PDE3B: variants seen among roughly 807,000 people sequenced by gnomAD.
PDE3B encodes cGMP-inhibited 3',5'-cyclic phosphodiesterase 3B.
PDE3B carries 66 observed loss-of-function variants against 116.8 expected under a neutral mutation model. The ratio of observed to expected loss-of-function variants is 0.56; its 90% CI spans 0.46 to 0.69. The LOEUF (loss-of-function observed/expected upper bound fraction) is 0.69, where lower values mean the gene tolerates loss of function less well. PDE3B is among the 30% of genes least tolerant of loss of function. The probability of loss-of-function intolerance (pLI) is 0.00; values close to 1 mark genes in which losing one functional copy is unlikely to be tolerated. For missense variants in PDE3B, 1,384 were observed against 1,368.1 expected, an observed-to-expected ratio of 1.01 and a Z score of -0.18; for synonymous variants, 595 against 533.6, an observed-to-expected ratio of 1.12 and a Z score of -1.59.
At chr11:14,671,282 G>T (rs1191285690) in intron 1 of PDE3B, among the ~76,000 whole-genome samples, 2 of 152,126 alleles carry the variant, frequency 1.3e-5, no homozygotes, top group Non-Finnish European at 2.9e-5. Context: ...TGGTAGGAAG[G>T]GAAAGCCTCT....
At chr11:14,759,842 C>T (rs1171840451) in intron 1 of PDE3B, among the ~76,000 whole-genome samples, 3 of 151,972 alleles carry the variant, frequency 2.0e-5, no homozygotes, top group Non-Finnish European at 4.4e-5. Context: ...CCACCGTGCC[C>T]GGCTACAGAT....
chr11:14,825,083 G>A (rs1350696381), intron 7 of PDE3B, among the ~76,000 whole-genome samples: 8 of 152,098 alleles, frequency 5.3e-5, no homozygotes, highest in African/African-American at 1.9e-4. Context: ...AAATGCTGAG[G>A]AAGTTTGTTA....
At chr11:14,874,341 A>G (rs749917131), downstream of PDE3B, among the ~76,000 whole-genome samples, 1 of 152,204 alleles carries the variant, frequency 6.6e-6, no homozygotes, top group Non-Finnish European at 1.5e-5. Flanking sequence ...ATCCAATGCT[A>G]TATTATATGA....
chr11:14,813,848 A>G (rs1227408713), intron 5 of PDE3B, among the ~76,000 whole-genome samples: 1 of 152,224 alleles, frequency 6.6e-6, no homozygotes, highest in African/African-American at 2.4e-5. Context: ...TTGTGAATAT[A>G]GATACAAAAA....
chr11:14,897,946 T>G, the PDE3B span, among the ~76,000 whole-genome samples: 2 of 152,198 alleles, frequency 1.3e-5, no homozygotes, highest in African/African-American at 4.8e-5. Context: ...ATCTATCATT[T>G]AACGAGAAAG....
chr11:14,821,508 T>C (rs1178694279), intron 7 of PDE3B, among the ~76,000 whole-genome samples: 1 of 152,206 alleles, frequency 6.6e-6, no homozygotes, highest in Admixed American at 6.5e-5. Flanking sequence ...GGAGTTCATA[T>C]CATTAAAAAG....
chr11:14,881,649 C>T, the PDE3B span, among the ~76,000 whole-genome samples: 5 of 152,132 alleles, frequency 3.3e-5, no homozygotes, highest in African/African-American at 4.8e-5. Flanking sequence ...AGTGAGTTCT[C>T]GCTCAGTTAA....
intron 1 of PDE3B, 117 bp from the exon 2 acceptor site, chr11:14,771,820 A>G (rs1379274684): frequency 4.8e-6 from 2 of 413,332 alleles, no homozygotes; most frequent in Non-Finnish European, 8.9e-6. Flanking sequence ...CCATTCCAAT[A>G]TCTCTTCCAG....
chr11:14,854,682 A>G (rs1365562235), intron 12 of PDE3B, among the ~76,000 whole-genome samples: 1 of 152,070 alleles, frequency 6.6e-6, no homozygotes. Context: ...ACGCCCAGCT[A>G]ATTTTTGTAT....
chr11:14,649,753 A>G (rs779016441), intron 1 of PDE3B, among the ~76,000 whole-genome samples: 4 of 152,230 alleles, frequency 2.6e-5, no homozygotes, highest in Non-Finnish European at 5.9e-5. Flanking sequence ...TCATGTACCT[A>G]CATAACATTT....
chr11:14,880,221 A>G, the PDE3B span: 2 of 1,612,948 alleles, frequency 1.2e-6, no homozygotes, highest in South Asian at 1.1e-5. Context: ...TGATGAGTTC[A>G]CCCACTGAGA....
intron 5 of PDE3B, among the ~76,000 whole-genome samples, chr11:14,813,165 C>T (rs1251416537): frequency 6.6e-6 from 1 of 152,136 alleles, no homozygotes; most frequent in African/African-American, 2.4e-5. Flanking sequence ...TCCAAAGGGA[C>T]TAACACACTA....
chr11:14,664,721 A>T (rs1408131702), intron 1 of PDE3B, among the ~76,000 whole-genome samples: 1 of 152,226 alleles, frequency 6.6e-6, no homozygotes, highest in Non-Finnish European at 1.5e-5. Flanking sequence ...AACCAGGAAG[A>T]AGTTGACTCT....
the PDE3B span, among the ~76,000 whole-genome samples, chr11:14,884,244 C>T: frequency 5.9e-5 from 9 of 151,836 alleles, 1 homozygote; most frequent in East Asian, 8.0e-4. Flanking sequence ...ATGTTTATTG[C>T]GGCACTATTC....
intron 1 of PDE3B, among the ~76,000 whole-genome samples, chr11:14,673,092 A>G (rs1016007908): frequency 3.3e-5 from 5 of 152,038 alleles, no homozygotes. Context: ...TTCTTCAACA[A>G]TTTGAGCAAA....
intron 4 of PDE3B, among the ~76,000 whole-genome samples, chr11:14,800,462 C>A: frequency 6.6e-6 from 1 of 152,064 alleles, no homozygotes; most frequent in Admixed American, 6.5e-5. Context: ...GAGACTCCAT[C>A]TCAAAAAAGA....
Position 14,867,765 on chromosome 11 carries a change from A to G in PDE3B, c.3139+7A>G. 2 of 1,581,428 alleles carry G rather than the reference A, an allele frequency of 1.3e-6. No homozygotes were observed. Among genetic ancestry groups the G allele is most frequent in the Non-Finnish European group, 8.7e-7 (1 of 1,151,280 alleles). Reference sequence around the variant, plus strand: ...GAAAACAATCTAAATCCAAGTAAGAATATAGGGACATTATAATTTATTTAA... The same window carrying G: ...GAAAACAATCTAAATCCAAGTAAGAGTATAGGGACATTATAATTTATTTAA... On this transcript the variant is annotated splice_region_variant and intron_variant, in intron 15 of 15. Transcript: ENST00000282096.
chr11:14,678,890 T>C (rs532957045), intron 1 of PDE3B, among the ~76,000 whole-genome samples: 2 of 152,328 alleles, frequency 1.3e-5, no homozygotes, highest in East Asian at 1.9e-4. Context: ...TTAGTAGCTT[T>C]ATGTTTTACC....
intron 1 of PDE3B, among the ~76,000 whole-genome samples, chr11:14,754,977 T>G (rs1857147430): frequency 6.6e-6 from 1 of 152,150 alleles, no homozygotes; most frequent in Non-Finnish European, 1.5e-5. Context: ...AGCTCAGGAC[T>G]GAGATTGAAA....
Sources: gnomAD v4.1 joint callset for allele counts (sites outside exome capture counted in the v4.1 genomes callset) on GRCh38, gnomAD v4.1.1 for gene constraint, MANE v1.5 for transcripts, NCBI Gene and HGNC (gene_info 2026-07-23, HGNC 2026-07-21) for gene names.